Variants in STRN observed in about 807,000 individuals in gnomAD.
STRN encodes protein phosphatase 2 regulatory subunit B'''alpha.
A neutral mutation model predicts 96.3 loss-of-function variants in STRN; 53 were observed. That is an observed-to-expected ratio of 0.55 (90% CI 0.44 to 0.69). The LOEUF is 0.69. STRN is among the 30% of genes least tolerant of loss of function. The pLI is 0.00. For missense variants in STRN, 987 were observed against 963.9 expected (o/e 1.02, Z -0.32); for synonymous variants, 428 against 355.9 (o/e 1.20, Z -2.28).
intron 7 of STRN, among the ~76,000 whole-genome samples, chr2:36,891,965 T>C (rs920181555): frequency 2.0e-5 from 3 of 152,110 alleles, no homozygotes; most frequent in Non-Finnish European, 2.9e-5. Context: ...AGAAGAAATA[T>C]ACCAAAAAAA....
chr2:36,944,742 T>A (rs1670936408), intron 1 of STRN, among the ~76,000 whole-genome samples: 1 of 152,102 alleles, frequency 6.6e-6, no homozygotes, highest in Non-Finnish European at 1.5e-5. Flanking sequence ...TTAGATGGAA[T>A]ACAAAGGATA....
At chr2:36,890,366 A>T (rs890207301) in intron 7 of STRN, among the ~76,000 whole-genome samples, 6 of 152,162 alleles carry the variant, frequency 3.9e-5, no homozygotes, top group Admixed American at 2.0e-4. Flanking sequence ...AGAGTCCCTG[A>T]AGGTAATGGC....
intron 9 of STRN, among the ~76,000 whole-genome samples, chr2:36,881,118 CT>C (rs3081783): frequency 0.15 from 12,213 of 78,796 alleles, 1,166 homozygotes; most frequent in Admixed American, 0.24. Flanking sequence ...ACACTGCCTT[CT>C]TTTTTTTTTT....
At chr2:36,884,941 A>G (rs894448285) in intron 8 of STRN, among the ~76,000 whole-genome samples, 12 of 152,162 alleles carry the variant, frequency 7.9e-5, no homozygotes, top group African/African-American at 2.9e-4. Context: ...CTATTTTATC[A>G]AGATAACATG....
At chr2:36,906,814 G>A (rs576405704) in intron 3 of STRN, among the ~76,000 whole-genome samples, 20 of 151,860 alleles carry the variant, frequency 1.3e-4, no homozygotes, top group Admixed American at 5.9e-4. Context: ...CCAACTACTC[G>A]GGAGGCTGAG....
At chr2:36,952,934 T>C (rs1414416737) in intron 1 of STRN, among the ~76,000 whole-genome samples, 1 of 152,196 alleles carries the variant, frequency 6.6e-6, no homozygotes, top group Non-Finnish European at 1.5e-5. Flanking sequence ...CCTTCTCATT[T>C]AGGAAGTATA....
In STRN at chr2:36,914,156, A is replaced by G. The variant is rs190642852; in HGVS notation, c.412+1922T>C. On this transcript the variant is annotated intron_variant, in intron 3 of 17. Transcript: ENST00000263918. ...AGACATGTGCCACCATCCCCAGCTA[A>G]TTTTTTAATTTTTTGGCAGAGACAG... Among the ~76,000 whole-genome samples, 229 of 152,174 alleles carry G rather than the reference A, an allele frequency of 1.5e-3. 2 individuals carry two copies. Among genetic ancestry groups the G allele is most frequent in the African/African-American group, 5.3e-3 (222 of 41,538 alleles).
Position 36,846,533 on chromosome 2 carries a change from G to T in STRN, c.*2923C>A, listed in dbSNP as rs1668082655. ...TAAATCTTCATCATTATCTCCAAAA[G>T]AAATTTATAGCAAGAATACTGAAGG... On this transcript the variant is annotated 3_prime_UTR_variant, in exon 18 of 18. Coordinates refer to ENST00000263918, the MANE Select transcript of STRN (RefSeq NM_003162.4). 6.9e-6 allele frequency: 1 copy of T among 145,630 alleles called. No homozygotes were observed. Among genetic ancestry groups the T allele is most frequent in the African/African-American group, 2.5e-5 (1 of 39,218 alleles). 9.0% of individuals were successfully genotyped at this position (145,630 alleles called of 1,614,324 possible). A position where few individuals can be genotyped will look rare whatever the true frequency, so the allele number is the denominator to read the frequency against.
In STRN at chr2:36,877,983, T is replaced by C; in HGVS notation, c.1231A>G (p.Met411Val). 1.9e-6 allele frequency: 3 copies of C among 1,614,124 alleles called. No homozygotes were observed. The highest frequency in any genetic ancestry group is 1.1e-5 in the South Asian group (1 of 91,084). Residue 411 changes from methionine to valine, a missense_variant, in exon 10 of 18, where the codon ATG (methionine) becomes GTG (valine). Physicochemically the swap from Met to Val is conservative, Grantham distance 21 (BLOSUM62 1). Transcript: ENST00000263918. ...CTTTCAAGGGCTTCATCTGCTCCCA[T>C]GATGAATGACTTTCCAGAAGAAGGA... ...FPPSSGKSFI[M>V]GADEALESEL...
At chr2:36,881,945 A>T (rs1669081461) in intron 9 of STRN, among the ~76,000 whole-genome samples, 1 of 152,246 alleles carries the variant, frequency 6.6e-6, no homozygotes, top group South Asian at 2.1e-4. Context: ...CCTAGTGATC[A>T]ACATACCTAC....
In STRN at chr2:36,841,483, T is replaced by C. The variant is rs554456886; in HGVS notation, c.*7973A>G. On this transcript the variant is annotated 3_prime_UTR_variant, in exon 18 of 18. Transcript: ENST00000263918. ...TTTCTAAAAATCACACTGAGTGATA[T>C]TATTCTATCAAGAGGATATTCTGAA... The C allele has an allele frequency of 9.2e-5, 14 of 152,314 alleles. No homozygotes were observed. In the East Asian group the frequency reaches 2.7e-3, roughly 29 times the overall value. The allele number at this position is 152,314 out of a possible 1,614,324, so 9.4% of individuals were successfully genotyped here.
chr2:36,960,923 G>A (rs1054279738), intron 1 of STRN, among the ~76,000 whole-genome samples: 4 of 151,826 alleles, frequency 2.6e-5, no homozygotes, highest in African/African-American at 9.7e-5. Flanking sequence ...CTGAGACAGG[G>A]CCTCACTCTG....
At chr2:36,906,434 A>G (rs1476337235) in intron 3 of STRN, among the ~76,000 whole-genome samples, 1 of 151,370 alleles carries the variant, frequency 6.6e-6, no homozygotes, top group Non-Finnish European at 1.5e-5. Context: ...ACTCCAGCCT[A>G]GGCAACAGAG....
At chr2:36,876,084 T>C (rs891299233) in intron 10 of STRN, among the ~76,000 whole-genome samples, 1 of 152,020 alleles carries the variant, frequency 6.6e-6, no homozygotes, top group South Asian at 2.1e-4. Context: ...GTCTGAGCAA[T>C]ATGGCGAAAG....
At chr2:36,962,531 C>CT (rs57756016) in intron 1 of STRN, among the ~76,000 whole-genome samples, 23,759 of 148,056 alleles carry the variant, frequency 0.16, 1,945 homozygotes, top group South Asian at 0.24. Flanking sequence ...CTTCACTATT[C>CT]TTTTTTTTTT....
intron 7 of STRN, among the ~76,000 whole-genome samples, chr2:36,887,335 T>C (rs1669265926): frequency 6.6e-6 from 1 of 151,210 alleles, no homozygotes; most frequent in African/African-American, 2.4e-5. Flanking sequence ...CCGGGCATGG[T>C]ACCTCATGCC....
intron 1 of STRN, among the ~76,000 whole-genome samples, chr2:36,937,190 C>A (rs1471865201): frequency 1.3e-5 from 2 of 151,534 alleles, no homozygotes; most frequent in Non-Finnish European, 2.9e-5. Flanking sequence ...CTAAAAAATA[C>A]AAAATTAGCT....
In STRN at chr2:36,966,358, C is replaced by A. The variant is rs1018514439; in HGVS notation, c.106G>T (p.Gly36Trp). ...PLAEAAAAGD[G>W]AAAAGAARAQ... The stretch of plus-strand genomic sequence containing the variant: ...CGGGCCGCCCCCGCCGCAGCCGCCC[C>A]GTCGCCGGCCGCGGCAGCCTCCGCC... The change falls in exon 1 of 18, where the codon GGG becomes TGG. Residue 36 changes from glycine (G) to tryptophan (W), a missense_variant. By Grantham distance (184) the Gly-to-Trp change is radical. Transcript: ENST00000263918. The A allele has an allele frequency of 2.0e-5, 30 of 1,471,558 alleles. No individual in the cohort carries two copies. Among genetic ancestry groups the A allele is most frequent in the Non-Finnish European group, 2.6e-5 (29 of 1,113,504 alleles). 91.2% of individuals were successfully genotyped at this position (1,471,558 alleles called of 1,614,324 possible). A position where few individuals can be genotyped will look rare whatever the true frequency, so the allele number is the denominator to read the frequency against.
chr2:36,935,745 G>A (rs1180515974), intron 1 of STRN, among the ~76,000 whole-genome samples: 6 of 152,174 alleles, frequency 3.9e-5, no homozygotes, highest in South Asian at 4.1e-4. Flanking sequence ...GCAATACTGC[G>A]GTTATTCAAT....
Sources: gnomAD v4.1 joint callset for allele counts (sites outside exome capture counted in the v4.1 genomes callset) on GRCh38, gnomAD v4.1.1 for gene constraint, MANE v1.5 for transcripts, NCBI Gene and HGNC (gene_info 2026-07-23, HGNC 2026-07-21) for gene names.